The following RUNX2 variants were observed in gnomAD, a reference collection of about 807,000 sequenced individuals.
The protein encoded by RUNX2 is RUNX family transcription factor 2.
RUNX2 carries 10 observed loss-of-function variants against 51.7 expected under a neutral mutation model. The observed-to-expected ratio is 0.19, with a 90% CI of 0.12 to 0.33. RUNX2 has a LOEUF of 0.33. RUNX2 is among the 10% of genes least tolerant of loss of function. The pLI, the probability that RUNX2 is intolerant of heterozygous loss-of-function variation, is 1.00. For missense variants in RUNX2, 562 were observed against 691.3 expected (o/e 0.81, Z 2.10); for synonymous variants, 276 against 273.6 (o/e 1.01, Z -0.09).
At chr6:45,536,486 G>A (rs144444805) in intron 7 of RUNX2, among the ~76,000 whole-genome samples, 14 of 152,316 alleles carry the variant, frequency 9.2e-5, no homozygotes, top group Admixed American at 7.8e-4. Context: ...TTCGAGCCAC[G>A]TGCTTTAAGG....
intron 3 of RUNX2, 84 bp from the exon 4 acceptor site, chr6:45,431,777 GAC>G: frequency 6.8e-7 from 1 of 1,462,988 alleles, no homozygotes; most frequent in Non-Finnish European, 9.6e-7. Flanking sequence ...GTCCTGATAA[GAC>G]ACATCATTTG....
chr6:45,484,194 G>A (rs1800201208), intron 5 of RUNX2, among the ~76,000 whole-genome samples: 1 of 152,176 alleles, frequency 6.6e-6, no homozygotes, highest in African/African-American at 2.4e-5. Flanking sequence ...GAGGTTAGGA[G>A]GGTTCTAGTG....
At chr6:45,483,446 G>A (rs1055210301) in intron 5 of RUNX2, among the ~76,000 whole-genome samples, 1 of 151,344 alleles carries the variant, frequency 6.6e-6, no homozygotes, top group Non-Finnish European at 1.5e-5. Flanking sequence ...GCAATCATTT[G>A]TTGTGTGACT....
At chr6:45,527,834 C>T (rs1801718166) in intron 7 of RUNX2, among the ~76,000 whole-genome samples, 1 of 152,098 alleles carries the variant, frequency 6.6e-6, no homozygotes, top group South Asian at 2.1e-4. Flanking sequence ...GATTTTAGTA[C>T]AATGATGTAC....
At chr6:45,430,287 A>G (rs1210827571) in intron 3 of RUNX2, among the ~76,000 whole-genome samples, 2 of 152,118 alleles carry the variant, frequency 1.3e-5, no homozygotes, top group Non-Finnish European at 2.9e-5. Flanking sequence ...TAGACCATTA[A>G]TATTAACATA....
intron 7 of RUNX2, among the ~76,000 whole-genome samples, chr6:45,522,917 G>A (rs763893067): frequency 3.3e-5 from 5 of 152,104 alleles, no homozygotes; most frequent in African/African-American, 4.8e-5. Flanking sequence ...TTCATATTTC[G>A]TAAATGCATG....
intron 5 of RUNX2, among the ~76,000 whole-genome samples, chr6:45,451,492 C>G (rs973298992): frequency 2.0e-5 from 3 of 152,050 alleles, no homozygotes; most frequent in Non-Finnish European, 2.9e-5. Flanking sequence ...GAATGTTTAG[C>G]GAAGAGCATT....
At chr6:45,426,125 T>C (rs1205226457) in intron 3 of RUNX2, among the ~76,000 whole-genome samples, 2 of 152,252 alleles carry the variant, frequency 1.3e-5, no homozygotes, top group East Asian at 3.8e-4. Context: ...TGTTTCGAGA[T>C]GATATAAAAT....
intron 8 of RUNX2, 113 bp downstream of exon 8, chr6:45,545,395 CT>C: frequency 8.7e-7 from 1 of 1,152,480 alleles, no homozygotes; most frequent in Non-Finnish European, 1.2e-6. Flanking sequence ...TAAAGAGTCA[CT>C]TTTTATTACA....
rs115129262 is a variant in RUNX2, at chr6:45,546,927, C to T, written c.1188C>T (p.Ala396=). 4 of 1,613,924 alleles carry T rather than the reference C, an allele frequency of 2.5e-6. No homozygotes were observed. The East Asian group carries it at 8.9e-5, about 36-fold the overall frequency. The change falls in exon 9 of 9, where the codon GCC becomes GCT. Residue 396 remains alanine, a synonymous_variant. Transcript: ENST00000647337. ...CCAACCCACGAATGCACTATCCAGC[C>T]ACCTTTACTTACACCCCGCCAGTCA... ...RFSNPRMHYP[A]TFTYTPPVTS... is the part of the protein sequence containing the mutation.
At chr6:45,451,516 G>T in intron 5 of RUNX2, among the ~76,000 whole-genome samples, 1 of 152,204 alleles carries the variant, frequency 6.6e-6, no homozygotes, top group South Asian at 2.1e-4. Flanking sequence ...GATGATTAAA[G>T]GCTTGTAAAA....
intron 2 of RUNX2, among the ~76,000 whole-genome samples, chr6:45,385,398 G>A (rs1937059160): frequency 6.6e-6 from 1 of 152,180 alleles, no homozygotes; most frequent in Non-Finnish European, 1.5e-5. Context: ...CGGTAAACTA[G>A]TGAGGTTCAT....
chr6:45,500,195 T>C (rs1800765740), intron 6 of RUNX2, among the ~76,000 whole-genome samples: 1 of 152,212 alleles, frequency 6.6e-6, no homozygotes. Flanking sequence ...TTATGTGATA[T>C]GCTTCCACAT....
intron 2 of RUNX2, among the ~76,000 whole-genome samples, chr6:45,343,641 C>T (rs563677700): frequency 2.0e-5 from 3 of 152,260 alleles, no homozygotes; most frequent in East Asian, 1.9e-4. Flanking sequence ...CATAACAGTA[C>T]GAACTAGCTA....
chr6:45,445,384 T>C (rs1798964087), intron 5 of RUNX2, among the ~76,000 whole-genome samples: 1 of 152,098 alleles, frequency 6.6e-6, no homozygotes, highest in Admixed American at 6.5e-5. Context: ...ACATGTAAAA[T>C]ATGTTGGATA....
intron 6 of RUNX2, among the ~76,000 whole-genome samples, chr6:45,507,535 T>G (rs137949990): frequency 1.5e-4 from 23 of 152,348 alleles, no homozygotes; most frequent in Admixed American, 2.6e-4. Flanking sequence ...GTTGTAATCA[T>G]GTATTTATGA....
At chr6:45,522,221 G>A (rs1276649855) in intron 7 of RUNX2, among the ~76,000 whole-genome samples, 1 of 152,154 alleles carries the variant, frequency 6.6e-6, no homozygotes, top group East Asian at 1.9e-4. Flanking sequence ...AAAAGAAATA[G>A]AAGATATAGT....
intron 2 of RUNX2, among the ~76,000 whole-genome samples, chr6:45,341,672 T>C (rs558429208): frequency 1.3e-5 from 2 of 152,220 alleles, no homozygotes; most frequent in East Asian, 1.9e-4. Flanking sequence ...GCAAAATGTA[T>C]ACACATGAAA....
At chr6:45,458,572 C>T (rs777482658) in intron 5 of RUNX2, among the ~76,000 whole-genome samples, 1 of 152,144 alleles carries the variant, frequency 6.6e-6, no homozygotes, top group African/African-American at 2.4e-5. Flanking sequence ...AGTTTCTAAT[C>T]CTTTTTGCCA....
Sources: allele counts gnomAD v4.1 joint callset (sites outside exome capture counted in the v4.1 genomes callset), GRCh38; gene constraint gnomAD v4.1.1; transcripts MANE v1.5; gene names NCBI Gene and HGNC (gene_info 2026-07-23, HGNC 2026-07-21).